Variants in CDH18 observed in about 807,000 individuals in gnomAD.
CDH18 encodes cadherin 18.
A neutral mutation model predicts 67.9 loss-of-function variants in CDH18; 31 were observed. That is an observed-to-expected ratio of 0.46 (90% CI 0.34 to 0.62). The LOEUF is 0.62. Ranked by LOEUF, CDH18 falls within the 20% of genes least tolerant of loss-of-function variation. The pLI, the probability that CDH18 is intolerant of heterozygous loss-of-function variation, is 0.01. For synonymous variants in CDH18, 362 were observed against 347.2 expected (o/e 1.04, Z -0.48); for missense variants, 890 against 975.5 (o/e 0.91, Z 1.17).
intron 11 of CDH18, chr5:19,502,623 C>T (rs373309584): frequency 1.0e-4 from 42 of 408,568 alleles, no homozygotes; most frequent in East Asian, 6.3e-4. Flanking sequence ...CATTGCATTT[C>T]CTTTAGTAAC....
intron 3 of CDH18, among the ~76,000 whole-genome samples, chr5:19,813,060 T>G (rs1272985013): frequency 6.6e-6 from 1 of 152,014 alleles, no homozygotes; most frequent in Non-Finnish European, 1.5e-5. Context: ...AAACACCGCA[T>G]GTTCCCACTC....
At chr5:20,500,908 CAGTT>C (rs1754210778) in intron 1 of CDH18, among the ~76,000 whole-genome samples, 1 of 152,028 alleles carries the variant, frequency 6.6e-6, no homozygotes, top group African/African-American at 2.4e-5. Context: ...GATATTTAAT[CAGTT>C]AGGTCTAGAC....
At chr5:19,522,826 C>T (rs570905898) in intron 9 of CDH18, among the ~76,000 whole-genome samples, 4 of 140,070 alleles carry the variant, frequency 2.9e-5, no homozygotes, top group South Asian at 2.3e-4. Context: ...ACCTGGGAGG[C>T]GGAGGCTGCA....
intron 2 of CDH18, among the ~76,000 whole-genome samples, chr5:20,067,003 T>C (rs1743033747): frequency 6.6e-6 from 1 of 151,306 alleles, no homozygotes; most frequent in African/African-American, 2.4e-5. Flanking sequence ...CTGATAAATA[T>C]ATATTGGAAA....
At chr5:19,696,360 A>G (rs549322165) in intron 5 of CDH18, among the ~76,000 whole-genome samples, 10 of 151,402 alleles carry the variant, frequency 6.6e-5, no homozygotes, top group Non-Finnish European at 1.3e-4. Flanking sequence ...AACATGGTGA[A>G]ACCCTGTCTC....
At chr5:20,423,185 A>G (rs533513318) in intron 1 of CDH18, among the ~76,000 whole-genome samples, 5 of 151,490 alleles carry the variant, frequency 3.3e-5, no homozygotes, top group African/African-American at 1.2e-4. Context: ...GCAATCCAGC[A>G]AGCAGGCATG....
intron 1 of CDH18, among the ~76,000 whole-genome samples, chr5:20,402,865 A>T (rs759315181): frequency 2.6e-4 from 40 of 151,650 alleles, no homozygotes; most frequent in Non-Finnish European, 5.0e-4. Context: ...CTGAGATTGC[A>T]CCACTGCACC....
chr5:19,936,696 C>A (rs1376918936), intron 2 of CDH18, among the ~76,000 whole-genome samples: 1 of 150,878 alleles, frequency 6.6e-6, no homozygotes, highest in East Asian at 1.9e-4. Flanking sequence ...TGTTGAGATT[C>A]TGAATATATT....
chr5:19,681,516 C>T (rs1317701885), intron 5 of CDH18, among the ~76,000 whole-genome samples: 4 of 151,824 alleles, frequency 2.6e-5, no homozygotes, highest in Non-Finnish European at 5.9e-5. Context: ...TCAAAAACAA[C>T]CTAAAGATTG....
chr5:20,162,340 G>A (rs1735957088), intron 2 of CDH18, among the ~76,000 whole-genome samples: 2 of 150,282 alleles, frequency 1.3e-5, no homozygotes, highest in Admixed American at 1.3e-4. Flanking sequence ...GTACTTTGCA[G>A]CAGAAAGCTG....
rs187245919 is a variant in CDH18, at chr5:20,057,604, A to G, written c.-517-65590T>C. 3.9e-5 allele frequency among the ~76,000 whole-genome samples: 6 copies of G among 152,282 alleles called. No individual in the cohort carries two copies. In the East Asian group the frequency reaches 1.2e-3, roughly 29 times the overall value. On this transcript the variant is annotated intron_variant, in intron 2 of 14. Transcript: ENST00000507958. ...CTTCTCTGCTTCATCACAGTTTTAA[A>G]ATTGCATTTATCACACTGAACTACT... is the stretch of plus-strand genomic sequence containing the variant.
rs150296824 is a variant in CDH18, at chr5:19,605,875, A to C, written c.811+6559T>G. ...GCTGAGAAATTGAGGACAAAAGCACAGAGAAGAAGAAACCTCAGGTAAGTG... is the reference window on the plus strand; with the variant it reads ...GCTGAGAAATTGAGGACAAAAGCACCGAGAAGAAGAAACCTCAGGTAAGTG... On this transcript the variant is annotated intron_variant, in intron 6 of 12. Transcript: ENST00000382275. Among the ~76,000 whole-genome samples, 248 of 152,260 alleles carry C rather than the reference A, an allele frequency of 1.6e-3. 1 individual carries two copies. Among genetic ancestry groups the C allele is most frequent in the Middle Eastern group, 3.4e-3 (1 of 294 alleles).
At chr5:20,527,488 A>G (rs968198007) in intron 1 of CDH18, among the ~76,000 whole-genome samples, 1 of 152,196 alleles carries the variant, frequency 6.6e-6, no homozygotes, top group East Asian at 1.9e-4. Flanking sequence ...TGAAGGAAAA[A>G]ATATTAAAGA....
chr5:19,597,207 C>T (rs904384531), intron 6 of CDH18, among the ~76,000 whole-genome samples: 1 of 152,310 alleles, frequency 6.6e-6, no homozygotes, highest in Admixed American at 6.5e-5. Flanking sequence ...CAGAAACCAG[C>T]TCCACCTCCA....
intron 12 of CDH18, among the ~76,000 whole-genome samples, chr5:19,477,261 G>A (rs1738635913): frequency 6.6e-6 from 1 of 151,440 alleles, no homozygotes; most frequent in Admixed American, 6.6e-5. Flanking sequence ...TCTAGTTAAA[G>A]ATAAATTCAA....
chr5:20,260,763 AG>A (rs199877767), intron 1 of CDH18, among the ~76,000 whole-genome samples: 1,710 of 152,290 alleles, frequency 0.011, 33 homozygotes, highest in African/African-American at 0.039. Context: ...ACTTGGCAGA[AG>A]TAAGATACTA....
intron 3 of CDH18, among the ~76,000 whole-genome samples, chr5:19,778,264 C>T (rs1013286787): frequency 2.6e-5 from 4 of 152,182 alleles, no homozygotes; most frequent in African/African-American, 4.8e-5. Context: ...GACTGAACTT[C>T]CCTCCCCGCA....
intron 3 of CDH18, among the ~76,000 whole-genome samples, chr5:19,815,072 C>T (rs752883446): frequency 6.6e-6 from 1 of 151,940 alleles, no homozygotes; most frequent in Non-Finnish European, 1.5e-5. Context: ...ACATAATTAA[C>T]CTTAATTAAA....
intron 4 of CDH18, among the ~76,000 whole-genome samples, chr5:19,743,232 A>G (rs1448432444): frequency 2.0e-5 from 3 of 152,198 alleles, no homozygotes; most frequent in African/African-American, 4.8e-5. Context: ...AACAAACGCT[A>G]TATTTCTGTC....
Sources: gnomAD v4.1 joint callset for allele counts (sites outside exome capture counted in the v4.1 genomes callset) on GRCh38, gnomAD v4.1.1 for gene constraint, MANE v1.5 for transcripts, NCBI Gene and HGNC (gene_info 2026-07-23, HGNC 2026-07-21) for gene names.